Variants in AGBL1 observed in about 807,000 individuals in gnomAD.
AGBL1 encodes the protein cytosolic carboxypeptidase 4.
In AGBL1, 130 loss-of-function variants were observed where a neutral mutation model predicts 118.9. That is an observed-to-expected ratio of 1.09 (90% CI 0.95 to 1.26). AGBL1 has a LOEUF of 1.26. Among genes scored for constraint, AGBL1 ranks in the 50% most tolerant of loss-of-function variants. AGBL1 has a pLI of 0.00. For missense variants in AGBL1, 1,584 were observed against 1,298.1 expected, an observed-to-expected ratio of 1.22 and a Z score of -3.38; for synonymous variants, 555 against 478.9, an observed-to-expected ratio of 1.16 and a Z score of -2.08.
At chr15:86,269,843 C>T (rs1398396597) in intron 13 of AGBL1, 76 bp from the exon 14 acceptor site, 19 of 1,502,366 alleles carry the variant, frequency 1.3e-5, no homozygotes, top group African/African-American at 2.8e-5. Flanking sequence ...GAAACTGAAA[C>T]GTGTAGATTC....
intron 22 of AGBL1, among the ~76,000 whole-genome samples, chr15:86,744,065 C>T (rs528135127): frequency 6.6e-6 from 1 of 152,062 alleles, no homozygotes; most frequent in South Asian, 2.1e-4. Context: ...CATATGCATC[C>T]ACCCTTCCAA....
At chr15:86,669,779 C>T (rs1272134104) in intron 21 of AGBL1, among the ~76,000 whole-genome samples, 3 of 152,124 alleles carry the variant, frequency 2.0e-5, no homozygotes, top group East Asian at 3.9e-4. Flanking sequence ...TATAGAGCCC[C>T]GTCTCCTGGA....
chr15:86,601,331 T>A (rs2142371327), intron 21 of AGBL1, among the ~76,000 whole-genome samples: 1 of 152,304 alleles, frequency 6.6e-6, no homozygotes, highest in East Asian at 1.9e-4. Context: ...ATTATTTGAC[T>A]TTGTTTTTAA....
At chr15:86,103,409 T>C (rs1896848867) in intron 1 of AGBL1, among the ~76,000 whole-genome samples, 1 of 152,210 alleles carries the variant, frequency 6.6e-6, no homozygotes, top group African/African-American at 2.4e-5. Context: ...GTGTCGTGTT[T>C]CCTTGCTTTT....
Position 86,793,574 on chromosome 15 carries a change from T to C in AGBL1, c.3159-113513T>C, listed in dbSNP as rs576632670. Among the ~76,000 whole-genome samples, 65 of 152,298 alleles carry C rather than the reference T, an allele frequency of 4.3e-4. No individual in the cohort carries two copies. The South Asian group carries it at 8.5e-3, about 20-fold the overall frequency. ...TATATTTCACAATTTGTTTTTAAAA[T>C]ATGATAGCAGAAGCACAAGTGACAA... On this transcript the variant is annotated intron_variant, in intron 22 of 22. Coordinates refer to ENST00000614907, the MANE Select transcript of AGBL1 (RefSeq NM_001386094.1).
At chr15:86,227,500 C>A (rs1012138675) in intron 6 of AGBL1, among the ~76,000 whole-genome samples, 3 of 152,234 alleles carry the variant, frequency 2.0e-5, no homozygotes, top group Non-Finnish European at 4.4e-5. Flanking sequence ...ACATCCCTGG[C>A]CTCTACCCAC....
intron 18 of AGBL1, among the ~76,000 whole-genome samples, chr15:86,422,157 C>G (rs1195274899): frequency 6.6e-6 from 1 of 152,194 alleles, no homozygotes; most frequent in Non-Finnish European, 1.5e-5. Context: ...CTTCTCAGCA[C>G]TGCATAGCAC....
rs951221701 is a variant in AGBL1 at position 86,825,531 on chromosome 15, A to G, written c.3159-81556A>G. ...AAACTGTCCACTTAGAAAATGGACA[A>G]AATACCCAAAAAAGAGACATTTTAG... On this transcript the variant is annotated intron_variant, in intron 22 of 22. Coordinates refer to ENST00000614907, the MANE Select transcript of AGBL1 (RefSeq NM_001386094.1). 2.0e-5 allele frequency among the ~76,000 whole-genome samples: 3 copies of G among 151,662 alleles called. No individual in the cohort carries two copies. The Admixed American group carries it at 2.0e-4, about 10-fold the overall frequency.
intron 23 of AGBL1, among the ~76,000 whole-genome samples, chr15:86,945,510 A>G (rs912211268): frequency 6.6e-6 from 1 of 151,768 alleles, no homozygotes; most frequent in African/African-American, 2.4e-5. Flanking sequence ...CTCTACAAAA[A>G]ATACAAAAAA....
intron 6 of AGBL1, among the ~76,000 whole-genome samples, chr15:86,235,786 A>G (rs1301371869): frequency 6.6e-6 from 1 of 152,220 alleles, no homozygotes; most frequent in Non-Finnish European, 1.5e-5. Context: ...AGAGGGAGCA[A>G]TTAGCAAGGT....
At chr15:86,564,960 G>C (rs149932114) in intron 21 of AGBL1, among the ~76,000 whole-genome samples, 3,429 of 152,206 alleles carry the variant, frequency 0.023, 63 homozygotes, top group Middle Eastern at 0.075. Flanking sequence ...CATAGATCTC[G>C]TGCCATGGTT....
chr15:86,844,884 G>A (rs1374597269), intron 22 of AGBL1, among the ~76,000 whole-genome samples: 4 of 152,078 alleles, frequency 2.6e-5, no homozygotes, highest in Non-Finnish European at 5.9e-5. Context: ...TGAGGTAAGA[G>A]TGTAAGTTAA....
chr15:86,825,483 T>A (rs1215247027), intron 22 of AGBL1, among the ~76,000 whole-genome samples: 1 of 139,812 alleles, frequency 7.2e-6, no homozygotes, highest in Non-Finnish European at 1.5e-5. Context: ...ATAAAAACTC[T>A]TACAACTCAA....
intron 22 of AGBL1, among the ~76,000 whole-genome samples, chr15:86,903,871 ACC>A (rs1596615049): frequency 6.6e-6 from 1 of 152,254 alleles, no homozygotes; most frequent in East Asian, 1.9e-4. Context: ...CAGTCTTGTT[ACC>A]AACAATTGCC....
intron 12 of AGBL1, 70 bp from the exon 13 acceptor site, chr15:86,266,920 A>C (rs2079083012): frequency 2.4e-6 from 3 of 1,253,792 alleles, no homozygotes; most frequent in Admixed American, 2.0e-5. Context: ...TAATGAAAAA[A>C]AGAATCATCA....
At chr15:86,529,506 A>T (rs1241214419) in intron 19 of AGBL1, among the ~76,000 whole-genome samples, 2 of 134,944 alleles carry the variant, frequency 1.5e-5, no homozygotes, top group South Asian at 2.2e-4. Context: ...AGTGATGCGG[A>T]GAATGGAACC....
chr15:86,316,363 C>A (rs2080009767), intron 17 of AGBL1, among the ~76,000 whole-genome samples: 1 of 152,192 alleles, frequency 6.6e-6, no homozygotes. Flanking sequence ...CTCTTTCTCT[C>A]CTACACGGCT....
At chr15:86,964,412 C>T (rs996571274) in intron 23 of AGBL1, among the ~76,000 whole-genome samples, 1 of 151,888 alleles carries the variant, frequency 6.6e-6, no homozygotes, top group African/African-American at 2.4e-5. Context: ...ACTACCCCCA[C>T]TGTGATAACA....
At chr15:86,241,091 G>C (rs138579035) in intron 6 of AGBL1, among the ~76,000 whole-genome samples, 1 of 152,182 alleles carries the variant, frequency 6.6e-6, no homozygotes, top group East Asian at 1.9e-4. Flanking sequence ...TTCAGCATGC[G>C]TAAAGAGGAG....
Sources: gnomAD v4.1 joint callset for allele counts (sites outside exome capture counted in the v4.1 genomes callset) on GRCh38, gnomAD v4.1.1 for gene constraint, MANE v1.5 for transcripts, NCBI Gene and HGNC (gene_info 2026-07-23, HGNC 2026-07-21) for gene names.